MECOM: variants seen among roughly 807,000 people sequenced by gnomAD.
The protein encoded by MECOM is histone-lysine N-methyltransferase MECOM.
A neutral mutation model predicts 116.3 loss-of-function variants in MECOM; 13 were observed. The observed-to-expected ratio is 0.11, with a 90% confidence interval of 0.07 to 0.18. The LOEUF is 0.18. MECOM is among the 10% of genes least tolerant of loss of function. MECOM has a pLI of 1.00. For missense variants in MECOM, 1,299 were observed against 1,509.0 expected, an observed-to-expected ratio of 0.86 and a Z score of 2.31; for synonymous variants, 528 against 535.2, an observed-to-expected ratio of 0.99 and a Z score of 0.19.
At chr3:169,107,382 T>C (rs956201178) in intron 10 of MECOM, among the ~76,000 whole-genome samples, 13 of 152,140 alleles carry the variant, frequency 8.5e-5, no homozygotes, top group Non-Finnish European at 1.8e-4. Context: ...GTCAAGGAAG[T>C]GAAACTAGAT....
At chr3:169,364,332 T>C (rs1728808576) in intron 2 of MECOM, among the ~76,000 whole-genome samples, 1 of 152,002 alleles carries the variant, frequency 6.6e-6, no homozygotes, top group Non-Finnish European at 1.5e-5. Context: ...CAAAAATGAT[T>C]TACTGCCTCA....
intron 12 of MECOM, among the ~76,000 whole-genome samples, chr3:169,100,169 G>T (rs1360715307): frequency 1.4e-5 from 2 of 138,122 alleles, no homozygotes; most frequent in Non-Finnish European, 3.0e-5. Flanking sequence ...TGCAATCTTG[G>T]CTCACTGCAA....
At chr3:169,100,821 T>C (rs771914613) in intron 12 of MECOM, 64 bp downstream of exon 12, 10 of 908,760 alleles carry the variant, frequency 1.1e-5, no homozygotes, top group African/African-American at 3.5e-5. Flanking sequence ...ATTATTTTAT[T>C]ATTAAAATAA....
At chr3:169,313,431 G>T (rs1186742688) in intron 2 of MECOM, among the ~76,000 whole-genome samples, 1 of 152,180 alleles carries the variant, frequency 6.6e-6, no homozygotes, top group Non-Finnish European at 1.5e-5. Context: ...AATATCTAGC[G>T]GGAGAGAAAA....
At chr3:169,463,052 C>T (rs762109808) in intron 1 of MECOM, among the ~76,000 whole-genome samples, 11 of 152,192 alleles carry the variant, frequency 7.2e-5, no homozygotes, top group Non-Finnish European at 1.3e-4. Flanking sequence ...TAATGAAGCA[C>T]TTGGACAAAT....
intron 2 of MECOM, among the ~76,000 whole-genome samples, chr3:169,160,040 GT>G (rs201998287): frequency 6.6e-6 from 1 of 151,848 alleles, no homozygotes; most frequent in Non-Finnish European, 1.5e-5. Flanking sequence ...GCCCTCTGTG[GT>G]TTTTTTTGTT....
intron 2 of MECOM, among the ~76,000 whole-genome samples, chr3:169,213,629 CTTTAAG>C (rs891274834): frequency 3.9e-5 from 6 of 152,040 alleles, no homozygotes; most frequent in African/African-American, 1.4e-4. Flanking sequence ...TTTTTGGTGG[CTTTAAG>C]TTTTTCTTTT....
At position 169,185,441 on chromosome 3, in the gene MECOM, G is replaced by A. The variant is rs538459473; in HGVS notation, c.376-41609C>T. 3.9e-5 allele frequency among the ~76,000 whole-genome samples: 6 copies of A among 152,262 alleles called. No individual in the cohort carries two copies. In the South Asian group the frequency reaches 1.2e-3, roughly 32 times the overall value. ...ACTGACACTCTGTTTGGCAGCTGGG[G>A]AATGTTACATACCTTTTCAGGTGTT... On this transcript the variant is annotated intron_variant, in intron 2 of 16. Coordinates refer to ENST00000651503, the MANE Select transcript of MECOM (RefSeq NM_004991.4).
chr3:169,153,563 A>G (rs1424330942), intron 2 of MECOM, among the ~76,000 whole-genome samples: 1 of 152,212 alleles, frequency 6.6e-6, no homozygotes, highest in African/African-American at 2.4e-5. Flanking sequence ...AATTAATTCA[A>G]TCTTTCAATA....
chr3:169,454,944 A>G (rs1746225660), intron 1 of MECOM, among the ~76,000 whole-genome samples: 1 of 152,178 alleles, frequency 6.6e-6, no homozygotes, highest in African/African-American at 2.4e-5. Flanking sequence ...CCCAATTTTT[A>G]TCTCACATCT....
In MECOM at chr3:169,194,135, C is replaced by T. The variant is rs142525587; in HGVS notation, c.376-50303G>A. ...TACTGTACCTTTCAAGATGAATAAG[C>T]ATGATTTGGGGAACAAGTGCAATTT... On this transcript the variant is annotated intron_variant, in intron 2 of 16. Transcript: ENST00000651503. 5.9e-4 allele frequency among the ~76,000 whole-genome samples: 89 copies of T among 152,000 alleles called. 3 individuals are homozygous for T. The East Asian group carries it at 0.011, about 18-fold the overall frequency.
intron 2 of MECOM, among the ~76,000 whole-genome samples, chr3:169,272,083 C>T (rs1337585464): frequency 6.6e-6 from 1 of 152,194 alleles, no homozygotes; most frequent in Non-Finnish European, 1.5e-5. Context: ...CCTGCATGAT[C>T]GAATACCCCA....
intron 1 of MECOM, among the ~76,000 whole-genome samples, chr3:169,435,091 T>C (rs916535455): frequency 2.8e-4 from 43 of 152,312 alleles, no homozygotes; most frequent in African/African-American, 9.9e-4. Flanking sequence ...AACAACATAG[T>C]GCATTTCTAT....
intron 1 of MECOM, among the ~76,000 whole-genome samples, chr3:169,422,241 G>A (rs1042782658): frequency 1.3e-5 from 2 of 152,054 alleles, no homozygotes; most frequent in East Asian, 1.9e-4. Context: ...TGTGTGTAAT[G>A]TTAAAACTTA....
chr3:169,539,218 A>C (rs1375146807), intron 1 of MECOM, among the ~76,000 whole-genome samples: 2 of 152,196 alleles, frequency 1.3e-5, no homozygotes, highest in Non-Finnish European at 2.9e-5. Flanking sequence ...ATCTTCACTC[A>C]AATCAACCCA....
At chr3:169,106,697 C>T (rs2148994803) in intron 10 of MECOM, among the ~76,000 whole-genome samples, 1 of 152,172 alleles carries the variant, frequency 6.6e-6, no homozygotes, top group East Asian at 1.9e-4. Context: ...AAGGGGTCAA[C>T]ACCTTAAGCT....
chr3:169,144,129 G>C (rs1216432342), intron 2 of MECOM, among the ~76,000 whole-genome samples: 2 of 151,914 alleles, frequency 1.3e-5, no homozygotes, highest in African/African-American at 4.8e-5. Context: ...TGTGATTTTT[G>C]CAAAAAATAA....
chr3:169,642,481 T>C (rs1472424614), intron 1 of MECOM, among the ~76,000 whole-genome samples: 1 of 149,856 alleles, frequency 6.7e-6, no homozygotes, highest in African/African-American at 2.5e-5. Flanking sequence ...AACTGCAAAT[T>C]CATCCACTGT....
At chr3:169,499,397 A>G (rs904792980) in intron 1 of MECOM, among the ~76,000 whole-genome samples, 4 of 150,342 alleles carry the variant, frequency 2.7e-5, no homozygotes, top group Non-Finnish European at 5.9e-5. Flanking sequence ...TAAGAGAAGA[A>G]CTGTTCTCCT....
Sources: gnomAD v4.1 joint callset for allele counts (sites outside exome capture counted in the v4.1 genomes callset) on GRCh38, gnomAD v4.1.1 for gene constraint, MANE v1.5 for transcripts, NCBI Gene and HGNC (gene_info 2026-07-23, HGNC 2026-07-21) for gene names.